PHF20: variants seen among roughly 807,000 people sequenced by gnomAD.
PHF20 encodes PHD finger protein 20.
Under a neutral mutation model 113.5 loss-of-function variants are expected in PHF20, and 23 were observed. That is an observed-to-expected ratio of 0.20 (90% CI 0.15 to 0.29). PHF20 has a LOEUF of 0.29. Ranked by LOEUF, PHF20 falls within the 10% of genes least tolerant of loss-of-function variation. PHF20 has a pLI of 1.00. For synonymous variants in PHF20, 434 were observed against 457.3 expected, an observed-to-expected ratio of 0.95 and a Z score of 0.65; for missense variants, 943 against 1,219.6, an observed-to-expected ratio of 0.77 and a Z score of 3.38.
At chr20:35,930,277 G>T (rs929444876) in intron 14 of PHF20, among the ~76,000 whole-genome samples, 3 of 152,194 alleles carry the variant, frequency 2.0e-5, no homozygotes, top group Admixed American at 2.0e-4. Context: ...AGGCACTGGG[G>T]ATACAACCAT....
At chr20:35,878,976 TA>T (rs1360875282) in intron 9 of PHF20, among the ~76,000 whole-genome samples, 2 of 152,218 alleles carry the variant, frequency 1.3e-5, no homozygotes, top group African/African-American at 4.8e-5. Context: ...ACATGTCACC[TA>T]AATGCACTTG....
intron 4 of PHF20, among the ~76,000 whole-genome samples, chr20:35,853,846 C>T (rs111811202): frequency 0.033 from 5,013 of 151,886 alleles, 128 homozygotes; most frequent in Non-Finnish European, 0.049. Flanking sequence ...CCTCTGCCTC[C>T]CAGGTTCGAG....
chr20:35,863,099 G>A lies in PHF20; in HGVS notation c.507G>A (p.Gln169=), dbSNP rs754763215. 1.9e-6 allele frequency: 3 copies of A among 1,613,126 alleles called. No individual in the cohort carries two copies. Among genetic ancestry groups the A allele is most frequent in the Non-Finnish European group, 2.5e-6 (3 of 1,179,752 alleles). The part of the protein sequence containing the change: ...SPDKREKFKE[Q]RKATVNVKKD... ...ATAAACGAGAGAAGTTTAAAGAACA[G>A]AGAAAAGCAACAGTGAATGTGAAGA... Residue 169 remains glutamine, a synonymous_variant, in exon 6 of 18, where the codon CAG becomes CAA. Transcript: ENST00000374012.
At chr20:35,858,281 T>G in intron 4 of PHF20, 21 bp from the exon 5 acceptor site, 106 of 1,278,940 alleles carry the variant, frequency 8.3e-5, no homozygotes, top group Non-Finnish European at 1.0e-4. Context: ...GTTAAAATCA[T>G]GATATCTTCT....
chr20:35,916,168 A>G (rs2147088460), intron 12 of PHF20, among the ~76,000 whole-genome samples: 1 of 152,334 alleles, frequency 6.6e-6, no homozygotes, highest in South Asian at 2.1e-4. Flanking sequence ...ATAAAAAGTA[A>G]AACAATATTT....
chr20:35,860,940 G>A (rs1270104230), intron 5 of PHF20, among the ~76,000 whole-genome samples: 2 of 152,114 alleles, frequency 1.3e-5, no homozygotes, highest in Non-Finnish European at 2.9e-5. Context: ...TTGGAGGTGG[G>A]TGCCTTACCC....
At chr20:35,793,995 C>CAAAACAAAAAAAAAAAAAAAAA (rs1385077985) in intron 1 of PHF20, among the ~76,000 whole-genome samples, 9 of 33,836 alleles carry the variant, frequency 2.7e-4, no homozygotes, top group Non-Finnish European at 3.8e-4. Context: ...GACTCTGTCT[C>CAAAACAAAAAAAAAAAAAAAAA]AAAAAAAAAA....
At chr20:35,896,624 C>A (rs967071835) in intron 9 of PHF20, among the ~76,000 whole-genome samples, 1 of 150,344 alleles carries the variant, frequency 6.7e-6, no homozygotes, top group African/African-American at 2.5e-5. Context: ...CAGGCTGGAC[C>A]AGTCTCTACT....
chr20:35,832,694 A>G (rs1413319951), intron 2 of PHF20, among the ~76,000 whole-genome samples: 2 of 152,070 alleles, frequency 1.3e-5, no homozygotes, highest in African/African-American at 2.4e-5. Context: ...TTGAAAGTCT[A>G]CTGTGTGTTG....
intron 2 of PHF20, among the ~76,000 whole-genome samples, chr20:35,834,078 AT>A (rs2042398132): frequency 6.6e-6 from 1 of 150,876 alleles, no homozygotes; most frequent in Non-Finnish European, 1.5e-5. Context: ...AAATAAATAA[AT>A]AAATAAAAAG....
intron 6 of PHF20, among the ~76,000 whole-genome samples, chr20:35,863,785 A>C (rs1232743531): frequency 6.6e-6 from 1 of 152,206 alleles, no homozygotes; most frequent in African/African-American, 2.4e-5. Flanking sequence ...AAAGAAAAGT[A>C]ATAGTAAAAA....
chr20:35,778,642 A>G (rs2041222732), intron 1 of PHF20, among the ~76,000 whole-genome samples: 1 of 151,926 alleles, frequency 6.6e-6, no homozygotes, highest in Non-Finnish European at 1.5e-5. Flanking sequence ...CATCCCAGCT[A>G]CTAGGGAGGC....
At chr20:35,787,485 T>C (rs990396557) in intron 1 of PHF20, among the ~76,000 whole-genome samples, 1 of 150,294 alleles carries the variant, frequency 6.7e-6, no homozygotes, top group Non-Finnish European at 1.5e-5. Flanking sequence ...AGCCTATTTT[T>C]TTATTTTTAT....
chr20:35,789,520 G>T (rs2041495440), intron 1 of PHF20, among the ~76,000 whole-genome samples: 2 of 151,568 alleles, frequency 1.3e-5, no homozygotes, highest in Non-Finnish European at 2.9e-5. Context: ...AGTATGGGTG[G>T]TAAGAACAGT....
At chr20:35,892,584 A>AT (rs1186942314) in intron 9 of PHF20, among the ~76,000 whole-genome samples, 2 of 152,192 alleles carry the variant, frequency 1.3e-5, no homozygotes, top group Admixed American at 1.3e-4. Flanking sequence ...CATTTTATTC[A>AT]TATATAATAT....
chr20:35,782,049 A>T (rs2041308624), intron 1 of PHF20, among the ~76,000 whole-genome samples: 1 of 151,750 alleles, frequency 6.6e-6, no homozygotes, highest in African/African-American at 2.4e-5. Context: ...TTCTGTCTCC[A>T]TGTTTTTGAA....
chr20:35,809,416 TA>T (rs1376531325), intron 2 of PHF20, among the ~76,000 whole-genome samples: 1 of 151,482 alleles, frequency 6.6e-6, no homozygotes, highest in African/African-American at 2.4e-5. Flanking sequence ...CTGTCTCTAC[TA>T]AAAGTACAAA....
intron 2 of PHF20, among the ~76,000 whole-genome samples, chr20:35,820,717 G>C (rs1257409491): frequency 6.6e-6 from 1 of 152,044 alleles, no homozygotes; most frequent in African/African-American, 2.4e-5. Context: ...CCAAAGTGTT[G>C]GGATTACTGG....
Position 35,898,671 on chromosome 20 carries a change from C to T in PHF20, c.1283-699C>T, listed in dbSNP as rs1374364856. ...TGTCTCCCAGGCTGGAGTGCAATGGCATGATCTCGACTTACTGCAACCTCC... is the reference window on the plus strand; with the variant it reads ...TGTCTCCCAGGCTGGAGTGCAATGGTATGATCTCGACTTACTGCAACCTCC... On this transcript the variant is annotated intron_variant, in intron 9 of 17. Coordinates refer to ENST00000374012, the MANE Select transcript of PHF20 (RefSeq NM_016436.5). 3.3e-5 allele frequency among the ~76,000 whole-genome samples: 5 copies of T among 152,082 alleles called. No homozygotes were observed. In the South Asian group the frequency reaches 8.3e-4, roughly 25 times the overall value.
Sources: allele counts gnomAD v4.1 joint callset (sites outside exome capture counted in the v4.1 genomes callset), GRCh38; gene constraint gnomAD v4.1.1; transcripts MANE v1.5; gene names NCBI Gene and HGNC (gene_info 2026-07-23, HGNC 2026-07-21).